Variants in NME7 observed in about 807,000 individuals in gnomAD.
The protein encoded by NME7 is nucleoside diphosphate kinase 7.
Under a neutral mutation model 49.1 loss-of-function variants are expected in NME7, and 41 were observed. The ratio of observed to expected loss-of-function variants is 0.83; its 90% CI spans 0.65 to 1.08. The LOEUF is 1.08. NME7 is among the 50% of genes least tolerant of loss of function. The probability of loss-of-function intolerance (pLI) is 0.00; values close to 1 mark genes in which losing one functional copy is unlikely to be tolerated. For missense variants in NME7, 423 were observed against 463.4 expected, an observed-to-expected ratio of 0.91 and a Z score of 0.80; for synonymous variants, 139 against 150.6, an observed-to-expected ratio of 0.92 and a Z score of 0.56.
intron 6 of NME7, among the ~76,000 whole-genome samples, chr1:169,296,106 G>A (rs1650696514): frequency 6.6e-6 from 1 of 151,522 alleles, no homozygotes; most frequent in Non-Finnish European, 1.5e-5. Context: ...TACTTTTCTT[G>A]ACAGCTACCA....
At chr1:169,279,568 C>T (rs538823310) in intron 7 of NME7, among the ~76,000 whole-genome samples, 7 of 152,292 alleles carry the variant, frequency 4.6e-5, no homozygotes, top group East Asian at 1.9e-4. Context: ...GGGAGTGACC[C>T]GATTTTCCAG....
intron 4 of NME7, among the ~76,000 whole-genome samples, chr1:169,304,557 C>T (rs115316763): frequency 1.1e-3 from 169 of 151,956 alleles, no homozygotes; most frequent in African/African-American, 3.6e-3. Context: ...AAATTCATCC[C>T]GAGACATGGA....
chr1:169,331,842 T>C (rs893573694), intron 1 of NME7, among the ~76,000 whole-genome samples: 3 of 150,906 alleles, frequency 2.0e-5, no homozygotes, highest in African/African-American at 7.3e-5. Context: ...AGCTATTCCA[T>C]GTTCATGGAA....
At chr1:169,357,678 GT>G (rs1163856590) in intron 1 of NME7, among the ~76,000 whole-genome samples, 1 of 151,990 alleles carries the variant, frequency 6.6e-6, no homozygotes, top group Non-Finnish European at 1.5e-5. Flanking sequence ...AGGCAATATG[GT>G]TTAACATAAA....
chr1:169,135,947 T>C (rs928464747), intron 11 of NME7, among the ~76,000 whole-genome samples: 2 of 152,156 alleles, frequency 1.3e-5, no homozygotes, highest in African/African-American at 4.8e-5. Context: ...TATCTGTAGC[T>C]AGCTTTATCA....
chr1:169,171,569 C>A (rs1167062753), intron 10 of NME7, among the ~76,000 whole-genome samples: 4 of 152,046 alleles, frequency 2.6e-5, no homozygotes, highest in Non-Finnish European at 5.9e-5. Context: ...TAGAGACCAG[C>A]CTGATCAACA....
Position 169,323,117 on chromosome 1 carries a change from T to A in NME7, c.278A>T (p.Lys93Ile), listed in dbSNP as rs147020111. The change falls in exon 3 of 12, where the codon AAA becomes ATA. Residue 93 changes from lysine to isoleucine, a missense_variant and splice_region_variant. By Grantham distance (102) the Lys-to-Ile change is moderately radical. Transcript: ENST00000367811. Reference sequence around the variant, plus strand: ...AAAGATTATATAATTGTTTTCTTACTTTTCTTTCCTACTGCCCAGCTGGCG... The same window carrying A: ...AAAGATTATATAATTGTTTTCTTACATTTCTTTCCTACTGCCCAGCTGGCG... Reference protein sequence around the residue: ...TARQLGSRKEKTLALIKPDAI... With the variant: ...TARQLGSRKEITLALIKPDAI... The A allele has an allele frequency of 5.8e-4, 899 of 1,548,090 alleles. No individual in the cohort carries two copies. The highest frequency in any genetic ancestry group is 7.3e-4 in the Non-Finnish European group (841 of 1,152,854).
chr1:169,350,814 T>C (rs1161512798), intron 1 of NME7, among the ~76,000 whole-genome samples: 2 of 152,146 alleles, frequency 1.3e-5, no homozygotes, highest in South Asian at 2.1e-4. Flanking sequence ...CAATGTGGAA[T>C]AGTCATATAC....
At chr1:169,273,210 G>A (rs1649551778) in intron 7 of NME7, among the ~76,000 whole-genome samples, 1 of 128,512 alleles carries the variant, frequency 7.8e-6, no homozygotes, top group South Asian at 2.4e-4. Context: ...CCCTCCCCTA[G>A]CCTCCCACCC....
intron 10 of NME7, among the ~76,000 whole-genome samples, chr1:169,184,486 C>T (rs1660013948): frequency 6.6e-6 from 1 of 152,166 alleles, no homozygotes; most frequent in South Asian, 2.1e-4. Flanking sequence ...CCTCCCTCTG[C>T]CTCTCCCTCT....
intron 10 of NME7, among the ~76,000 whole-genome samples, chr1:169,199,240 T>C (rs1660475314): frequency 6.6e-6 from 1 of 151,934 alleles, no homozygotes. Flanking sequence ...CTAACACTTA[T>C]TAAGTATTCA....
chr1:169,290,534 A>C (rs1650456099), intron 6 of NME7, among the ~76,000 whole-genome samples: 1 of 152,188 alleles, frequency 6.6e-6, no homozygotes, highest in Non-Finnish European at 1.5e-5. Flanking sequence ...TAAAGACATA[A>C]ATGTAAGACC....
chr1:169,224,123 G>A (rs1661230543), intron 10 of NME7, among the ~76,000 whole-genome samples: 1 of 152,174 alleles, frequency 6.6e-6, no homozygotes, highest in African/African-American at 2.4e-5. Context: ...CCCAGGCGAT[G>A]CCTCTCACCT....
chr1:169,340,339 T>C (rs557316467), intron 1 of NME7, among the ~76,000 whole-genome samples: 1 of 152,292 alleles, frequency 6.6e-6, no homozygotes, highest in South Asian at 2.1e-4. Flanking sequence ...CTGCTTCCCT[T>C]TTGCCTACTG....
At chr1:169,339,383 C>T (rs998511276) in intron 1 of NME7, among the ~76,000 whole-genome samples, 1 of 152,050 alleles carries the variant, frequency 6.6e-6, no homozygotes, top group Non-Finnish European at 1.5e-5. Context: ...CACAATATTC[C>T]AAAAAGAGAG....
At chr1:169,324,786 C>T (rs1651997032) in intron 1 of NME7, among the ~76,000 whole-genome samples, 1 of 152,188 alleles carries the variant, frequency 6.6e-6, no homozygotes, top group African/African-American at 2.4e-5. Context: ...TTTCTGAGAA[C>T]ATGAGCTCCT....
chr1:169,253,389 T>A (rs1274668705), intron 7 of NME7, among the ~76,000 whole-genome samples: 1 of 151,596 alleles, frequency 6.6e-6, no homozygotes, highest in Non-Finnish European at 1.5e-5. Flanking sequence ...ATAAGAATGC[T>A]TGTGATTTTT....
intron 11 of NME7, chr1:169,169,144 A>C (rs1321985418): frequency 6.9e-6 from 3 of 432,846 alleles, no homozygotes; most frequent in Non-Finnish European, 8.8e-6. Context: ...GCAGTCCAAA[A>C]TCATCAGATG....
intron 6 of NME7, among the ~76,000 whole-genome samples, chr1:169,295,607 G>A (rs533973744): frequency 1.8e-4 from 27 of 152,030 alleles, no homozygotes; most frequent in African/African-American, 6.3e-4. Context: ...TAACACTTCC[G>A]TCACATTTGT....
Sources: gnomAD v4.1 joint callset for allele counts (sites outside exome capture counted in the v4.1 genomes callset) on GRCh38, gnomAD v4.1.1 for gene constraint, MANE v1.5 for transcripts, NCBI Gene and HGNC (gene_info 2026-07-23, HGNC 2026-07-21) for gene names.